LARGE1: variants seen among roughly 807,000 people sequenced by gnomAD.
LARGE1 encodes the protein LARGE xylosyl- and glucuronyltransferase 1.
LARGE1 carries 43 observed loss-of-function variants against 87.6 expected under a neutral mutation model. The ratio of observed to expected loss-of-function variants is 0.49; its 90% confidence interval spans 0.38 to 0.63. LARGE1 has a LOEUF of 0.63. Among genes scored for constraint, LARGE1 ranks in the 30% least tolerant of loss-of-function variants. The pLI is 0.00. For missense variants in LARGE1, 802 were observed against 1,000.2 expected, an observed-to-expected ratio of 0.80 and a Z score of 2.67; for synonymous variants, 434 against 394.6, an observed-to-expected ratio of 1.10 and a Z score of -1.18.
intron 7 of LARGE1, among the ~76,000 whole-genome samples, chr22:33,416,870 G>C (rs1308564238): frequency 4.1e-5 from 6 of 145,776 alleles, no homozygotes; most frequent in Non-Finnish European, 5.9e-5. Flanking sequence ...GCCTCCCAAA[G>C]TGCTGGGATT....
At chr22:33,593,040 C>A (rs762278366) in intron 5 of LARGE1, among the ~76,000 whole-genome samples, 2 of 152,168 alleles carry the variant, frequency 1.3e-5, no homozygotes, top group Non-Finnish European at 2.9e-5. Context: ...GGGGTTTCAC[C>A]GTGTTAGCCA....
At chr22:33,526,995 G>A (rs553524761) in intron 6 of LARGE1, among the ~76,000 whole-genome samples, 96 of 152,204 alleles carry the variant, frequency 6.3e-4, no homozygotes, top group Non-Finnish European at 9.6e-4. Context: ...AGTGGCACAC[G>A]CCTGTAATCG....
At chr22:33,869,623 A>G (rs2064214753) in intron 1 of LARGE1, among the ~76,000 whole-genome samples, 1 of 152,178 alleles carries the variant, frequency 6.6e-6, no homozygotes, top group African/African-American at 2.4e-5. Flanking sequence ...AACCGTGGGA[A>G]GCACTCGCAT....
rs749580219 is a variant in LARGE1, at chr22:33,761,382, C to G, written c.95G>C (p.Gly32Ala). ...GCTTCCATTCTTACCTTCGAAGCTC[C>G]CAGAAAACAGGTAAATCCAGGTGAT... is the stretch of plus-strand genomic sequence containing the variant. ...PAITWIYLFS[G>A]SFEDGKPVSL... The change falls in exon 2 of 15, where the codon GGG becomes GCG. Residue 32 changes from glycine to alanine, a missense_variant. Gly to Ala is a moderately conservative substitution (Grantham distance 60). Transcript: ENST00000397394. 3 of 1,613,640 alleles carry G rather than the reference C, an allele frequency of 1.9e-6. No homozygotes were observed. The African/African-American group carries it at 4.0e-5, about 22-fold the overall frequency.
intron 6 of LARGE1, among the ~76,000 whole-genome samples, chr22:33,489,757 A>G (rs60329459): frequency 0.022 from 3,284 of 152,252 alleles, 87 homozygotes; most frequent in African/African-American, 0.065. Flanking sequence ...GCAGCATGAA[A>G]GCGAACTAAT....
intron 4 of LARGE1, among the ~76,000 whole-genome samples, chr22:33,618,297 A>G (rs1219967726): frequency 2.6e-5 from 4 of 152,232 alleles, no homozygotes; most frequent in African/African-American, 9.6e-5. Flanking sequence ...TTCAAGAAAA[A>G]TCAAAAGGCC....
chr22:33,916,294 A>AAAACAAAC (rs757391744), intron 1 of LARGE1, among the ~76,000 whole-genome samples: 2 of 152,012 alleles, frequency 1.3e-5, no homozygotes, highest in Non-Finnish European at 2.9e-5. Flanking sequence ...AAAAAAAGAA[A>AAAACAAAC]AAACAAACAA....
chr22:33,228,117 G>A (rs1284394633), intron 11 of LARGE1, among the ~76,000 whole-genome samples: 1 of 152,196 alleles, frequency 6.6e-6, no homozygotes, highest in Non-Finnish European at 1.5e-5. Context: ...GTGACCACAA[G>A]CAAGTTATTT....
chr22:33,298,897 GA>G (rs958465295), intron 12 of LARGE1, among the ~76,000 whole-genome samples: 2 of 142,290 alleles, frequency 1.4e-5, no homozygotes, highest in Non-Finnish European at 3.0e-5. Context: ...AAGATGGAAA[GA>G]AAGAAAAAAG....
intron 11 of LARGE1, among the ~76,000 whole-genome samples, chr22:33,189,843 G>A (rs1044530242): frequency 2.0e-5 from 3 of 152,280 alleles, no homozygotes; most frequent in Middle Eastern, 3.4e-3. Context: ...AGGAGTCGAA[G>A]GTAAACAAGT....
intron 1 of LARGE1, among the ~76,000 whole-genome samples, chr22:33,894,697 G>T (rs1435847269): frequency 1.3e-5 from 2 of 151,944 alleles, no homozygotes; most frequent in African/African-American, 4.8e-5. Context: ...ACCCATATCT[G>T]GTCCAAGGTC....
chr22:33,777,772 C>A (rs544886888), intron 1 of LARGE1, among the ~76,000 whole-genome samples: 1 of 152,096 alleles, frequency 6.6e-6, no homozygotes, highest in Non-Finnish European at 1.5e-5. Context: ...ACCTTGAGGC[C>A]GAGCACAAGA....
At chr22:33,183,338 C>T (rs1450805255) in intron 11 of LARGE1, among the ~76,000 whole-genome samples, 4 of 152,068 alleles carry the variant, frequency 2.6e-5, no homozygotes, top group African/African-American at 4.8e-5. Flanking sequence ...CAAGTGGTAG[C>T]AGCGGTGTGA....
chr22:33,376,059 T>A (rs1005497694), intron 9 of LARGE1, among the ~76,000 whole-genome samples: 2 of 152,226 alleles, frequency 1.3e-5, no homozygotes, highest in African/African-American at 2.4e-5. Flanking sequence ...GAAAAAGTTA[T>A]GTTTCTGTTC....
chr22:33,388,598 C>T (rs2065407523), intron 7 of LARGE1, among the ~76,000 whole-genome samples: 1 of 151,954 alleles, frequency 6.6e-6, no homozygotes, highest in Non-Finnish European at 1.5e-5. Flanking sequence ...CAGAGTCTTG[C>T]TCTGCTGCCC....
At chr22:33,633,011 T>C (rs114589285) in intron 3 of LARGE1, among the ~76,000 whole-genome samples, 1,646 of 152,320 alleles carry the variant, frequency 0.011, 35 homozygotes, top group African/African-American at 0.038. Context: ...TGCAGAACTG[T>C]GAACTGGGTT....
At chr22:33,697,243 T>C (rs985368303) in intron 2 of LARGE1, among the ~76,000 whole-genome samples, 8 of 152,126 alleles carry the variant, frequency 5.3e-5, no homozygotes, top group Non-Finnish European at 1.2e-4. Flanking sequence ...TCAAAAAGTA[T>C]GGTTCTCGTC....
intron 5 of LARGE1, among the ~76,000 whole-genome samples, chr22:33,588,317 A>T (rs1053948771): frequency 1.3e-5 from 2 of 152,242 alleles, no homozygotes; most frequent in African/African-American, 4.8e-5. Context: ...AGGTGGAAAG[A>T]TAACCTATAG....
intron 1 of LARGE1, among the ~76,000 whole-genome samples, chr22:33,877,591 A>G (rs563633738): frequency 2.1e-4 from 32 of 152,270 alleles, no homozygotes; most frequent in Admixed American, 1.3e-3. Flanking sequence ...ACTACAGAAC[A>G]CTTGAAATGT....
Sources: allele counts gnomAD v4.1 joint callset (sites outside exome capture counted in the v4.1 genomes callset), GRCh38; gene constraint gnomAD v4.1.1; transcripts MANE v1.5; gene names NCBI Gene and HGNC (gene_info 2026-07-23, HGNC 2026-07-21).